METTL15: variants seen among roughly 807,000 people sequenced by gnomAD.
METTL15 encodes 12S rRNA N(4)-cytidine methyltransferase METTL15.
METTL15 carries 34 observed loss-of-function variants against 38.3 expected under a neutral mutation model. The ratio of observed to expected loss-of-function variants is 0.89; its 90% CI spans 0.68 to 1.18. METTL15 has a LOEUF of 1.18. METTL15 is among the 50% of genes most tolerant of loss of function. The pLI is 0.00. For synonymous variants in METTL15, 162 were observed against 170.9 expected (o/e 0.95, Z 0.41); for missense variants, 438 against 498.4 (o/e 0.88, Z 1.15).
Position 28,264,543 on chromosome 11 carries a change from T to C in METTL15, c.408-25663T>C, listed in dbSNP as rs577151761. On this transcript the variant is annotated intron_variant, in intron 4 of 6. Coordinates refer to ENST00000407364, the MANE Select transcript of METTL15 (RefSeq NM_001113528.2). ...TACATGTCACCTGATTATCAATCAA[T>C]TTAAGGATCAGTTGTGATACAGGAA... is the stretch of plus-strand genomic sequence containing the variant. Among the ~76,000 whole-genome samples the C allele has an allele frequency of 4.6e-5, 7 of 152,224 alleles. No individual in the cohort carries two copies. In the East Asian group the frequency reaches 1.4e-3, roughly 29 times the overall value.
intron 4 of METTL15, among the ~76,000 whole-genome samples, chr11:28,246,000 A>T (rs753615513): frequency 1.3e-5 from 2 of 152,196 alleles, no homozygotes; most frequent in Non-Finnish European, 2.9e-5. Flanking sequence ...AAACCAAATC[A>T]GTAAGTAAGT....
chr11:28,447,199 T>C (rs1851082466), intron 6 of METTL15, among the ~76,000 whole-genome samples: 1 of 152,156 alleles, frequency 6.6e-6, no homozygotes, highest in Non-Finnish European at 1.5e-5. Context: ...TCTTAGGCTG[T>C]TTAATGTTTT....
intron 6 of METTL15, among the ~76,000 whole-genome samples, chr11:28,464,020 G>A (rs774276377): frequency 6.6e-6 from 1 of 152,052 alleles, no homozygotes; most frequent in Non-Finnish European, 1.5e-5. Context: ...CTATGACCTA[G>A]GGTGATGATT....
At chr11:28,421,255 C>T (rs952637257) in intron 5 of METTL15, among the ~76,000 whole-genome samples, 1 of 151,840 alleles carries the variant, frequency 6.6e-6, no homozygotes, top group Non-Finnish European at 1.5e-5. Flanking sequence ...TAGGTCTTGG[C>T]GGATTCACTG....
At chr11:28,454,749 G>A (rs1851153455) in intron 6 of METTL15, among the ~76,000 whole-genome samples, 1 of 152,116 alleles carries the variant, frequency 6.6e-6, no homozygotes, top group African/African-American at 2.4e-5. Flanking sequence ...CTTCTTAAAT[G>A]TATCTCATAT....
intron 5 of METTL15, among the ~76,000 whole-genome samples, chr11:28,366,966 G>A (rs114281048): frequency 3.8e-4 from 58 of 152,188 alleles, no homozygotes; most frequent in African/African-American, 1.3e-3. Context: ...GATAATAAAA[G>A]CCATTGCATT....
chr11:28,435,151 C>T (rs1169009646), intron 6 of METTL15, among the ~76,000 whole-genome samples: 1 of 152,180 alleles, frequency 6.6e-6, no homozygotes, highest in African/African-American at 2.4e-5. Flanking sequence ...TACATTCCTC[C>T]TTTCCCAGGA....
chr11:28,236,080 T>A (rs1285011993), intron 4 of METTL15, among the ~76,000 whole-genome samples: 2 of 152,228 alleles, frequency 1.3e-5, no homozygotes, highest in Non-Finnish European at 2.9e-5. Context: ...GGTTTTTGTC[T>A]TTGGTTCTGT....
chr11:28,108,621 G>C (rs539644517), intron 1 of METTL15, among the ~76,000 whole-genome samples, 169 bp downstream of exon 1: 1 of 152,282 alleles, frequency 6.6e-6, no homozygotes, highest in Admixed American at 6.5e-5. Flanking sequence ...ATTAATATGG[G>C]CCAAAATGTG....
intron 3 of METTL15, 111 bp from the exon 4 acceptor site, chr11:28,210,951 C>G (rs1852608874): frequency 4.4e-6 from 5 of 1,125,302 alleles, no homozygotes; most frequent in African/African-American, 1.6e-5. Context: ...AATTATTTTC[C>G]TATTTACTGT....
At chr11:28,432,130 A>C (rs1850937822) in intron 6 of METTL15, among the ~76,000 whole-genome samples, 2 of 152,204 alleles carry the variant, frequency 1.3e-5, no homozygotes, top group Non-Finnish European at 2.9e-5. Flanking sequence ...AAGGAGTTAT[A>C]ATGGGGTTGA....
Position 28,234,632 on chromosome 11 carries a change from A to G in METTL15, c.407+23434A>G, listed in dbSNP as rs71480182. Reference sequence around the variant, plus strand: ...TGAGAAGTGTCTGTTCATGTCCTTCACCCACTTTTTGATGGGGTTGTTTGT... The same window carrying G: ...TGAGAAGTGTCTGTTCATGTCCTTCGCCCACTTTTTGATGGGGTTGTTTGT... On this transcript the variant is annotated intron_variant, in intron 4 of 6. Transcript: ENST00000407364. Among the ~76,000 whole-genome samples the G allele has an allele frequency of 3.3e-3, 496 of 149,142 alleles. 1 individual carries two copies. Among genetic ancestry groups the G allele is most frequent in the Non-Finnish European group, 4.4e-3 (291 of 66,692 alleles).
chr11:28,506,679 C>T (rs942448140), intron 6 of METTL15, among the ~76,000 whole-genome samples: 12 of 148,706 alleles, frequency 8.1e-5, no homozygotes, highest in African/African-American at 2.5e-4. Context: ...TTGCTGTGTT[C>T]AAAGTGTCAA....
intron 4 of METTL15, among the ~76,000 whole-genome samples, chr11:28,275,832 T>G (rs1012567320): frequency 6.6e-6 from 1 of 151,978 alleles, no homozygotes; most frequent in Non-Finnish European, 1.5e-5. Flanking sequence ...ATCAACAGAA[T>G]GATGTACAAA....
chr11:28,253,988 G>A (rs934673795), intron 4 of METTL15, among the ~76,000 whole-genome samples: 1 of 152,018 alleles, frequency 6.6e-6, no homozygotes, highest in Admixed American at 6.6e-5. Flanking sequence ...TTTCTTTTGG[G>A]TATATACCCA....
chr11:28,320,262 C>T (rs1031968990), intron 6 of METTL15, among the ~76,000 whole-genome samples: 1 of 149,020 alleles, frequency 6.7e-6, no homozygotes, highest in East Asian at 2.0e-4. Flanking sequence ...CCTTGTAGAG[C>T]CGTGCTTAAA....
At chr11:28,503,874 A>G (rs1000962218) in intron 6 of METTL15, among the ~76,000 whole-genome samples, 2 of 151,608 alleles carry the variant, frequency 1.3e-5, no homozygotes, top group African/African-American at 2.4e-5. Flanking sequence ...CTGTCCTGAT[A>G]ATTTATGATG....
chr11:28,150,362 A>G (rs1417219495), intron 3 of METTL15, among the ~76,000 whole-genome samples: 2 of 151,738 alleles, frequency 1.3e-5, no homozygotes, highest in South Asian at 4.1e-4. Context: ...CATGAAATTG[A>G]GGTGGATTTT....
intron 3 of METTL15, among the ~76,000 whole-genome samples, chr11:28,188,995 A>G (rs1250584075): frequency 6.6e-6 from 1 of 151,364 alleles, no homozygotes; most frequent in Non-Finnish European, 1.5e-5. Context: ...ATCGTTTACC[A>G]TAATGTGTTC....
Sources: allele counts gnomAD v4.1 joint callset (sites outside exome capture counted in the v4.1 genomes callset), GRCh38; gene constraint gnomAD v4.1.1; transcripts MANE v1.5; gene names NCBI Gene and HGNC (gene_info 2026-07-23, HGNC 2026-07-21).